Variants in VEGFC observed in about 807,000 individuals in gnomAD.
VEGFC encodes FLT4 ligand DHM.
Under a neutral mutation model 46.1 loss-of-function variants are expected in VEGFC, and 12 were observed. The observed-to-expected ratio is 0.26, with a 90% confidence interval of 0.17 to 0.42. The LOEUF is 0.42. Ranked by LOEUF, VEGFC falls within the 10% of genes least tolerant of loss-of-function variation. The probability of loss-of-function intolerance (pLI) is 1.00; values close to 1 mark genes in which losing one functional copy is unlikely to be tolerated. For missense variants in VEGFC, 488 were observed against 529.4 expected, an observed-to-expected ratio of 0.92 and a Z score of 0.77; for synonymous variants, 232 against 195.5, an observed-to-expected ratio of 1.19 and a Z score of -1.56.
chr4:176,731,759 A>G (rs1734969270), intron 1 of VEGFC, among the ~76,000 whole-genome samples: 1 of 151,998 alleles, frequency 6.6e-6, no homozygotes, highest in East Asian at 1.9e-4. Flanking sequence ...ACACAATATA[A>G]TAAAAGATAT....
At chr4:176,769,434 G>T (rs542207345) in intron 1 of VEGFC, among the ~76,000 whole-genome samples, 1 of 152,270 alleles carries the variant, frequency 6.6e-6, no homozygotes, top group East Asian at 1.9e-4. Flanking sequence ...GAACAGAGAA[G>T]TTCTAATAAC....
rs142231347 is a variant in VEGFC at position 176,729,582 on chromosome 4, T to A, written c.312A>T (p.Glu104Asp). ...REQANLNSRT[E>D]ETIKFAAAHY... is the part of the protein sequence containing the mutation. The stretch of plus-strand genomic sequence containing the variant: ...GTGCTGCAGCAAATTTTATAGTCTC[T>A]TCTGTCCTTGAGTTGAGGTTGGCCT... The change falls in exon 2 of 7, where the codon GAA becomes GAT. Residue 104 changes from glutamate to aspartate, a missense_variant. Physicochemically the swap from Glu to Asp is conservative, Grantham distance 45. Transcript: ENST00000618562. 73 of 1,613,816 alleles carry A rather than the reference T, an allele frequency of 4.5e-5. No homozygotes were observed. The African/African-American group carries it at 9.2e-4, about 20-fold the overall frequency.
chr4:176,737,098 C>G (rs1239189295), intron 1 of VEGFC, among the ~76,000 whole-genome samples: 1 of 150,388 alleles, frequency 6.6e-6, no homozygotes, highest in African/African-American at 2.4e-5. Flanking sequence ...AAAAGACCAC[C>G]CACTTTATTG....
intron 1 of VEGFC, among the ~76,000 whole-genome samples, chr4:176,788,336 C>A (rs1736036553): frequency 6.6e-6 from 1 of 152,166 alleles, no homozygotes. Flanking sequence ...GAATTAGGAC[C>A]TAAATAAATG....
chr4:176,728,015 A>C, intron 2 of VEGFC, 47 bp from the exon 3 acceptor site: 1 of 1,491,812 alleles, frequency 6.7e-7, no homozygotes, highest in Non-Finnish European at 9.0e-7. Context: ...AACCACCAAG[A>C]TAAAAAAAGC....
chr4:176,770,934 C>T (rs1166267775), intron 1 of VEGFC, among the ~76,000 whole-genome samples: 1 of 151,434 alleles, frequency 6.6e-6, no homozygotes, highest in African/African-American at 2.4e-5. Flanking sequence ...TGCCATAATA[C>T]AACCTACTAC....
chr4:176,751,146 A>G (rs1276838579), intron 1 of VEGFC, among the ~76,000 whole-genome samples: 1 of 151,912 alleles, frequency 6.6e-6, no homozygotes, highest in Non-Finnish European at 1.5e-5. Context: ...TCTAAAAGGA[A>G]GGATTTAATC....
At position 176,733,258 on chromosome 4, in the gene VEGFC, T is replaced by C. The variant is rs565761984; in HGVS notation, c.148-3512A>G. ...TTACTAAAATTTCAGTCCTGTATAG[T>C]ATCTGTTTAGGTGAAACAAAAACTT... is the stretch of plus-strand genomic sequence containing the variant. On this transcript the variant is annotated intron_variant, in intron 1 of 6. Coordinates refer to ENST00000618562, the MANE Select transcript of VEGFC (RefSeq NM_005429.5). 4.0e-4 allele frequency among the ~76,000 whole-genome samples: 61 copies of C among 152,084 alleles called. 1 individual carries two copies. Among genetic ancestry groups the C allele is most frequent in the African/African-American group, 1.3e-3 (54 of 41,552 alleles).
intron 1 of VEGFC, among the ~76,000 whole-genome samples, chr4:176,778,921 C>A (rs1735861930): frequency 6.6e-6 from 1 of 152,076 alleles, no homozygotes; most frequent in Non-Finnish European, 1.5e-5. Flanking sequence ...AAAATTTTAA[C>A]AAAATTTTAC....
At chr4:176,710,804 A>T (rs1466189608) in intron 4 of VEGFC, among the ~76,000 whole-genome samples, 2 of 152,076 alleles carry the variant, frequency 1.3e-5, no homozygotes, top group East Asian at 1.9e-4. Context: ...TCAGAACATG[A>T]TCATACAGGA....
intron 3 of VEGFC, 134 bp from the exon 4 acceptor site, chr4:176,711,784 T>A (rs1734624439): frequency 6.5e-6 from 5 of 774,606 alleles, no homozygotes; most frequent in Non-Finnish European, 1.0e-5. Context: ...GGACGCTATG[T>A]TTTTATGATT....
intron 1 of VEGFC, among the ~76,000 whole-genome samples, chr4:176,779,383 A>G (rs892472826): frequency 6.6e-6 from 1 of 152,208 alleles, no homozygotes; most frequent in Admixed American, 6.5e-5. Flanking sequence ...AGTTTGAAGT[A>G]AGAAGTTATT....
At chr4:176,734,003 T>C (rs972120698) in intron 1 of VEGFC, among the ~76,000 whole-genome samples, 1 of 151,868 alleles carries the variant, frequency 6.6e-6, no homozygotes, top group Non-Finnish European at 1.5e-5. Flanking sequence ...TGTTTTCAGA[T>C]GGTAAGACCT....
chr4:176,781,977 A>T (rs1205905322), intron 1 of VEGFC, among the ~76,000 whole-genome samples: 3 of 152,022 alleles, frequency 2.0e-5, no homozygotes, highest in Non-Finnish European at 4.4e-5. Flanking sequence ...CACACGCATG[A>T]CTCTTCCTCA....
rs138762494 is a variant in VEGFC, at chr4:176,747,504, A to C, written c.148-17758T>G. ...AAGTGCACCATGTAAATAACAATCA[A>C]GTTTCAAGGCTGGGCGTGGTCCTCA... On this transcript the variant is annotated intron_variant, in intron 1 of 6. Transcript: ENST00000618562. 1.4e-3 allele frequency among the ~76,000 whole-genome samples: 217 copies of C among 152,142 alleles called. 1 individual carries two copies. Among genetic ancestry groups the C allele is most frequent in the African/African-American group, 4.9e-3 (203 of 41,556 alleles).
chr4:176,764,258 G>T (rs1735578125), intron 1 of VEGFC, among the ~76,000 whole-genome samples: 1 of 152,152 alleles, frequency 6.6e-6, no homozygotes, highest in Admixed American at 6.5e-5. Flanking sequence ...CCTTGGATAG[G>T]TAAGAGGCTG....
At chr4:176,704,157 C>A (rs972747891) in intron 4 of VEGFC, among the ~76,000 whole-genome samples, 4 of 152,052 alleles carry the variant, frequency 2.6e-5, no homozygotes, top group African/African-American at 9.7e-5. Context: ...TGTTGTTATT[C>A]CGATTGTTCT....
At chr4:176,791,694 G>C (rs906251723) in intron 1 of VEGFC, among the ~76,000 whole-genome samples, 1 of 152,034 alleles carries the variant, frequency 6.6e-6, no homozygotes, top group African/African-American at 2.4e-5. Context: ...TTCTAAAGTC[G>C]CTCACAGCGC....
chr4:176,792,409 C>T lies in VEGFC; in HGVS notation c.-98G>A. ...GCCGCGGGCCCCTCCTGGTCCCTCT[C>T]CCCCGGGCTCCTCCCGGCGACCCCC... On this transcript the variant is annotated 5_prime_UTR_variant, in exon 1 of 7. Coordinates refer to ENST00000618562, the MANE Select transcript of VEGFC (RefSeq NM_005429.5). This position sits in a 1 kb window ranked among gnomAD's most constrained non-coding sequence, Gnocchi z 6.3. 1 of 951,662 alleles carries T rather than the reference C, an allele frequency of 1.1e-6. No homozygotes were observed. Among genetic ancestry groups the T allele is most frequent in the Non-Finnish European group, 1.4e-6 (1 of 699,652 alleles). The allele number at this position is 951,662 out of a possible 1,614,324, so 59.0% of individuals were successfully genotyped here.
Sources: gnomAD v4.1 joint callset for allele counts (sites outside exome capture counted in the v4.1 genomes callset) on GRCh38, gnomAD v4.1.1 for gene constraint, Gnocchi (gnomAD v3.1) non-coding constraint, MANE v1.5 for transcripts, NCBI Gene and HGNC (gene_info 2026-07-23, HGNC 2026-07-21) for gene names.